Variants in ST8SIA6 observed in about 807,000 individuals in gnomAD.
The protein encoded by ST8SIA6 is alpha-2,8-sialyltransferase 8F.
A neutral mutation model predicts 33.6 loss-of-function variants in ST8SIA6; 39 were observed. That is an observed-to-expected ratio of 1.16 (90% CI 0.90 to 1.52). ST8SIA6 has a LOEUF of 1.52. ST8SIA6 is among the 40% of genes most tolerant of loss of function. ST8SIA6 has a pLI of 0.00. For synonymous variants in ST8SIA6, 172 were observed against 167.2 expected, an observed-to-expected ratio of 1.03 and a Z score of -0.22; for missense variants, 441 against 443.8, an observed-to-expected ratio of 0.99 and a Z score of 0.06.
chr10:17,425,648 G>A (rs12249446), intron 2 of ST8SIA6, among the ~76,000 whole-genome samples: 4,858 of 94,194 alleles, frequency 0.052, 90 homozygotes, highest in South Asian at 0.078. Flanking sequence ...GAAGAAAGGA[G>A]GGAGGGAGGG....
At position 17,320,648 on chromosome 10, in the gene ST8SIA6, A is replaced by G; in HGVS notation, c.*230T>C. 1 of 516,298 alleles carries G rather than the reference A, an allele frequency of 1.9e-6. No homozygotes were observed. The highest frequency in any genetic ancestry group is 3.4e-6 in the Non-Finnish European group (1 of 294,706). 32.0% of individuals were successfully genotyped at this position (516,298 alleles called of 1,614,324 possible). ...GCCATGCCAATAATTTTCATAAATT[A>G]TAAAAATTTGTATGAGTCAGATATG... On this transcript the variant is annotated 3_prime_UTR_variant, in exon 8 of 8. Coordinates refer to ENST00000377602, the MANE Select transcript of ST8SIA6 (RefSeq NM_001004470.3).
intron 2 of ST8SIA6, among the ~76,000 whole-genome samples, chr10:17,430,229 T>C (rs551695142): frequency 6.6e-6 from 1 of 152,348 alleles, no homozygotes; most frequent in Admixed American, 6.5e-5. Context: ...AAAGACATTA[T>C]TTTGTTTCTT....
chr10:17,333,694 TA>T (rs1848384591), intron 4 of ST8SIA6, among the ~76,000 whole-genome samples: 6 of 25,756 alleles, frequency 2.3e-4, no homozygotes, highest in Admixed American at 5.2e-4. Context: ...TATATATATA[TA>T]TATATATATA....
intron 3 of ST8SIA6, among the ~76,000 whole-genome samples, chr10:17,386,585 CAG>C (rs1364244342): frequency 2.0e-5 from 3 of 152,166 alleles, no homozygotes; most frequent in Admixed American, 6.5e-5. Context: ...ACATCAAACA[CAG>C]AGTTTCTTCT....
chr10:17,414,442 C>A (rs1302707519), intron 2 of ST8SIA6, among the ~76,000 whole-genome samples: 1 of 152,180 alleles, frequency 6.6e-6, no homozygotes, highest in Non-Finnish European at 1.5e-5. Flanking sequence ...TGCAGAGGAG[C>A]AACACTTTCA....
At chr10:17,367,291 T>A (rs1403069105) in intron 3 of ST8SIA6, among the ~76,000 whole-genome samples, 1 of 152,114 alleles carries the variant, frequency 6.6e-6, no homozygotes, top group African/African-American at 2.4e-5. Flanking sequence ...CAAGTGTACA[T>A]CTTACATGGT....
intron 3 of ST8SIA6, among the ~76,000 whole-genome samples, chr10:17,379,602 C>T (rs144190249): frequency 0.026 from 3,940 of 152,216 alleles, 116 homozygotes; most frequent in African/African-American, 0.073. Flanking sequence ...AGAATGCAAC[C>T]GTTTGTCTCT....
chr10:17,341,978 C>T (rs1848694773), intron 4 of ST8SIA6, among the ~76,000 whole-genome samples: 1 of 150,240 alleles, frequency 6.7e-6, no homozygotes, highest in South Asian at 2.1e-4. Context: ...GAAGAGGGCA[C>T]TCACCAGAAC....
Position 17,453,555 on chromosome 10 carries a change from G to C in ST8SIA6, c.200+4C>G. On this transcript the variant is annotated splice_donor_region_variant and intron_variant, in intron 2 of 7. Coordinates refer to ENST00000377602, the MANE Select transcript of ST8SIA6 (RefSeq NM_001004470.3). ...CAGTCCGCCCGCGCTGGGCGCCGCT[G>C]TACCTGTTAGTGGCGCGCGGTACCG... The C allele has an allele frequency of 7.6e-7, 1 of 1,320,106 alleles. No individual in the cohort carries two copies. Among genetic ancestry groups the C allele is most frequent in the African/African-American group, 1.5e-5 (1 of 66,188 alleles). 81.8% of individuals were successfully genotyped at this position (1,320,106 alleles called of 1,614,324 possible). A position where few individuals can be genotyped will look rare whatever the true frequency, so the allele number is the denominator to read the frequency against.
Position 17,390,584 on chromosome 10 carries a change from C to A in ST8SIA6, c.237G>T (p.Glu79Asp), listed in dbSNP as rs1316805895. The A allele has an allele frequency of 6.2e-7, 1 of 1,613,956 alleles. No individual in the cohort carries two copies. Among genetic ancestry groups the A allele is most frequent in the Non-Finnish European group, 8.5e-7 (1 of 1,179,916 alleles). The change falls in exon 3 of 8, where the codon GAG becomes GAT. Residue 79 changes from glutamate to aspartate, a missense_variant. Coordinates refer to ENST00000377602, the MANE Select transcript of ST8SIA6 (RefSeq NM_001004470.3). ...TGCCATATTGCAGATTTTTGCATTT[C>A]TCCGTCAGTTGGAGCGACTTCTCAT... ...YLNEKSLQLTEKCKNLQYGIE... is the reference protein window; with the variant it reads ...YLNEKSLQLTDKCKNLQYGIE...
rs115218034 is a variant in ST8SIA6, at chr10:17,369,920, T to C, written c.291-10320A>G. On this transcript the variant is annotated intron_variant, in intron 3 of 7. Transcript: ENST00000377602. ...TTTTACTTTCAATCTATTGTATCTT[T>C]GAGTCTAAAGTGTGTCTTCTGTAGA... 2.6e-3 allele frequency among the ~76,000 whole-genome samples: 397 copies of C among 152,304 alleles called. 1 individual carries two copies. Among genetic ancestry groups the C allele is most frequent in the African/African-American group, 9.3e-3 (385 of 41,572 alleles).
intron 2 of ST8SIA6, among the ~76,000 whole-genome samples, chr10:17,421,015 A>T (rs1446856391): frequency 6.6e-6 from 1 of 152,146 alleles, no homozygotes; most frequent in Non-Finnish European, 1.5e-5. Flanking sequence ...AAATCGCGAG[A>T]ACAGCAAGGG....
chr10:17,389,758 A>G (rs1349557387), intron 3 of ST8SIA6, among the ~76,000 whole-genome samples: 2 of 152,122 alleles, frequency 1.3e-5, no homozygotes, highest in Non-Finnish European at 2.9e-5. Context: ...AATACATATC[A>G]TGTTCTCAAA....
chr10:17,359,978 A>G (rs1036814946), intron 3 of ST8SIA6, among the ~76,000 whole-genome samples: 1 of 152,134 alleles, frequency 6.6e-6, no homozygotes, highest in Non-Finnish European at 1.5e-5. Context: ...TCAGACTCTA[A>G]GTTCACATAT....
chr10:17,322,732 C>T (rs1847998363), intron 7 of ST8SIA6, among the ~76,000 whole-genome samples: 1 of 151,940 alleles, frequency 6.6e-6, no homozygotes, highest in Admixed American at 6.6e-5. Flanking sequence ...TAAGTTTTAT[C>T]AAGAAAGTGC....
intron 5 of ST8SIA6, among the ~76,000 whole-genome samples, chr10:17,330,521 GTTAT>G (rs760012281): frequency 2.6e-5 from 4 of 151,860 alleles, no homozygotes; most frequent in Admixed American, 6.6e-5. Context: ...TTCTCAGCTA[GTTAT>G]TCTTCCTCTA....
chr10:17,382,819 T>C (rs1331053456), intron 3 of ST8SIA6, among the ~76,000 whole-genome samples: 1 of 152,198 alleles, frequency 6.6e-6, no homozygotes, highest in African/African-American at 2.4e-5. Flanking sequence ...TAAGGGCCGA[T>C]TTTGAAAGTT....
At chr10:17,363,041 T>A (rs1849444072) in intron 3 of ST8SIA6, among the ~76,000 whole-genome samples, 1 of 152,166 alleles carries the variant, frequency 6.6e-6, no homozygotes, top group Non-Finnish European at 1.5e-5. Flanking sequence ...AAATACAACA[T>A]GTAATGAGGT....
At chr10:17,415,661 C>T (rs559177797) in intron 2 of ST8SIA6, among the ~76,000 whole-genome samples, 26 of 152,048 alleles carry the variant, frequency 1.7e-4, no homozygotes, top group Non-Finnish European at 3.4e-4. Flanking sequence ...CCTTTTCTCT[C>T]GTTAAGTGAT....
Sources: gnomAD v4.1 joint callset for allele counts (sites outside exome capture counted in the v4.1 genomes callset) on GRCh38, gnomAD v4.1.1 for gene constraint, MANE v1.5 for transcripts, NCBI Gene and HGNC (gene_info 2026-07-23, HGNC 2026-07-21) for gene names.